Variants in PRLR observed in about 807,000 individuals in gnomAD.
PRLR encodes the protein hPRL receptor.
PRLR carries 13 observed loss-of-function variants against 40.2 expected under a neutral mutation model. That is an observed-to-expected ratio of 0.32 (90% CI 0.21 to 0.51). The LOEUF (loss-of-function observed/expected upper bound fraction) is 0.51. Among genes scored for constraint, PRLR ranks in the 20% least tolerant of loss-of-function variants. PRLR has a pLI of 0.97. For synonymous variants in PRLR, 269 were observed against 278.7 expected (o/e 0.97, Z 0.35); for missense variants, 656 against 747.3 (o/e 0.88, Z 1.42).
At chr5:35,140,619 T>C (rs1773993695) in intron 1 of PRLR, among the ~76,000 whole-genome samples, 1 of 152,248 alleles carries the variant, frequency 6.6e-6, no homozygotes. Context: ...AGTGTAATCC[T>C]GTCCTTGATG....
intron 1 of PRLR, among the ~76,000 whole-genome samples, chr5:35,176,208 C>T (rs1775143743): frequency 1.3e-5 from 2 of 152,148 alleles, no homozygotes; most frequent in Non-Finnish European, 2.9e-5. Context: ...TAACTTCTCC[C>T]ACTTACCATT....
rs1225165983 is a variant in PRLR, at chr5:35,065,200, A to T, written c.1758T>A (p.Asn586Lys). ...AKEAPPSLEQ[N>K]QAEKALANFT... The stretch of plus-strand genomic sequence containing the variant: ...AGTTGGCCAGGGCTTTCTCAGCTTG[A>T]TTCTGTTCAAGTGATGGTGGGGCCT... Residue 586 changes from asparagine (N) to lysine (K), a missense_variant, in exon 10 of 10, where the codon AAT (asparagine) becomes AAA (lysine). Coordinates refer to ENST00000618457, the MANE Select transcript of PRLR (RefSeq NM_000949.7). The T allele has an allele frequency of 1.9e-6, 3 of 1,614,126 alleles. No individual in the cohort carries two copies. In the South Asian group the frequency reaches 3.3e-5, roughly 18 times the overall value.
chr5:35,184,152 T>G (rs1407964825), intron 1 of PRLR, among the ~76,000 whole-genome samples: 1 of 152,188 alleles, frequency 6.6e-6, no homozygotes, highest in Non-Finnish European at 1.5e-5. Flanking sequence ...AGATTCATGA[T>G]AGTTGGCTGA....
intron 1 of PRLR, among the ~76,000 whole-genome samples, chr5:35,185,024 C>G (rs1047674172): frequency 1.3e-5 from 2 of 152,234 alleles, no homozygotes; most frequent in Admixed American, 1.3e-4. Flanking sequence ...CAGTTTCAAC[C>G]GCTGGAAGGA....
intron 5 of PRLR, among the ~76,000 whole-genome samples, chr5:35,077,334 T>A (rs972649491): frequency 2.0e-5 from 3 of 151,682 alleles, no homozygotes; most frequent in Admixed American, 6.6e-5. Context: ...AGGCTCAAAA[T>A]AAAGGAATGG....
intron 1 of PRLR, among the ~76,000 whole-genome samples, chr5:35,183,561 G>A (rs1034451320): frequency 6.6e-6 from 1 of 152,198 alleles, no homozygotes; most frequent in South Asian, 2.1e-4. Context: ...CCGAGGTCCT[G>A]AGTCTCTCTC....
At chr5:35,068,441 G>A (rs1212594059) in intron 8 of PRLR, among the ~76,000 whole-genome samples, 156 bp from the exon 9 acceptor site, 6 of 152,128 alleles carry the variant, frequency 3.9e-5, no homozygotes, top group Admixed American at 3.3e-4. Flanking sequence ...AATTACAGAG[G>A]CCTATATTAA....
intron 1 of PRLR, among the ~76,000 whole-genome samples, chr5:35,192,557 G>A (rs1490070206): frequency 6.6e-6 from 1 of 152,226 alleles, no homozygotes; most frequent in Non-Finnish European, 1.5e-5. Flanking sequence ...AGGTGTGAGA[G>A]TCACATTCCC....
chr5:35,222,142 A>C (rs1776438576), intron 1 of PRLR, among the ~76,000 whole-genome samples: 1 of 152,138 alleles, frequency 6.6e-6, no homozygotes, highest in Non-Finnish European at 1.5e-5. Context: ...ATCTCTACTA[A>C]AAATACAAAA....
intron 3 of PRLR, among the ~76,000 whole-genome samples, chr5:35,088,691 G>T (rs541139403): frequency 6.6e-6 from 1 of 152,090 alleles, no homozygotes; most frequent in African/African-American, 2.4e-5. Context: ...ACAGAAACAC[G>T]GAGAAAACCA....
At chr5:35,127,543 G>T (rs1341255739) in intron 1 of PRLR, among the ~76,000 whole-genome samples, 1 of 152,062 alleles carries the variant, frequency 6.6e-6, no homozygotes, top group African/African-American at 2.4e-5. Context: ...CAGCTAAAAA[G>T]GTGTACAATT....
chr5:35,187,221 T>C (rs1383246261), intron 1 of PRLR, among the ~76,000 whole-genome samples: 9 of 152,032 alleles, frequency 5.9e-5, no homozygotes, highest in Admixed American at 6.5e-5. Context: ...GCCAACATGG[T>C]GAAACCCCAT....
chr5:35,225,506 A>T lies in PRLR; in HGVS notation c.-106+4762T>A, dbSNP rs184667468. 4.6e-5 allele frequency among the ~76,000 whole-genome samples: 7 copies of T among 152,340 alleles called. No individual in the cohort carries two copies. The East Asian group carries it at 1.2e-3, about 25-fold the overall frequency. ...TGTATTTGTCAACTTATTAGTCTAG[A>T]TCAGTGCTATTCAACGGAAATATCA... is the stretch of plus-strand genomic sequence containing the variant. On this transcript the variant is annotated intron_variant, in intron 1 of 9. Transcript: ENST00000618457.
Position 35,216,491 on chromosome 5 carries a change from T to C in PRLR, c.-106+13777A>G, listed in dbSNP as rs1339413141. 3.3e-5 allele frequency among the ~76,000 whole-genome samples: 5 copies of C among 152,210 alleles called. No individual in the cohort carries two copies. The East Asian group carries it at 7.7e-4, about 24-fold the overall frequency. On this transcript the variant is annotated intron_variant, in intron 1 of 9. Transcript: ENST00000618457. The stretch of plus-strand genomic sequence containing the variant: ...TTCCTGAAACACAGTAGGATGACAG[T>C]GGAGAAGTGAAATAAGCAGGTAAAC...
At chr5:35,203,941 A>C (rs1243988469) in intron 1 of PRLR, among the ~76,000 whole-genome samples, 1 of 152,084 alleles carries the variant, frequency 6.6e-6, no homozygotes, top group Non-Finnish European at 1.5e-5. Context: ...TGATTTTTTG[A>C]GGGTCACAGT....
intron 1 of PRLR, among the ~76,000 whole-genome samples, chr5:35,168,062 G>A (rs1336201382): frequency 1.3e-5 from 2 of 151,942 alleles, no homozygotes; most frequent in African/African-American, 4.8e-5. Context: ...AGTTGGTAGA[G>A]TTATACATAA....
rs116161272 is a variant in PRLR at position 35,202,645 on chromosome 5, G to C, written c.-106+27623C>G. Reference sequence around the variant, plus strand: ...TGCCTGGTATACAGACTGGCACATAGTGGGTGAGCAACAGCTATTTTTAAG... The same window carrying C: ...TGCCTGGTATACAGACTGGCACATACTGGGTGAGCAACAGCTATTTTTAAG... On this transcript the variant is annotated intron_variant, in intron 1 of 9. Transcript: ENST00000618457. Among the ~76,000 whole-genome samples, 1,272 of 152,226 alleles carry C rather than the reference G, an allele frequency of 8.4e-3. 16 individuals carry two copies. The highest frequency in any genetic ancestry group is 0.03 in the African/African-American group (1,227 of 41,552).
chr5:35,064,957 A>G lies in PRLR; in HGVS notation c.*132T>C. The G allele has an allele frequency of 1.0e-6, 1 of 1,000,352 alleles. No individual in the cohort carries two copies. The highest frequency in any genetic ancestry group is 1.4e-6 in the Non-Finnish European group (1 of 692,890). The allele number at this position is 1,000,352 out of a possible 1,614,324, so 62.0% of individuals were successfully genotyped here. ...CTGCTGGAGAAAGAGGCAAGTGGTT[A>G]AAAATGGAGCATGAAAGGAGCTGGG... On this transcript the variant is annotated 3_prime_UTR_variant, in exon 10 of 10. Transcript: ENST00000618457.
chr5:35,204,046 G>C (rs1210682035), intron 1 of PRLR, among the ~76,000 whole-genome samples: 2 of 152,026 alleles, frequency 1.3e-5, no homozygotes, highest in African/African-American at 4.8e-5. Context: ...CATTGTGGGA[G>C]GGACATGTGT....
Sources: allele counts gnomAD v4.1 joint callset (sites outside exome capture counted in the v4.1 genomes callset), GRCh38; gene constraint gnomAD v4.1.1; transcripts MANE v1.5; gene names NCBI Gene and HGNC (gene_info 2026-07-23, HGNC 2026-07-21).